Variants in ARHGAP15 observed in about 807,000 individuals in gnomAD.
ARHGAP15 encodes rho GTPase-activating protein 15.
A neutral mutation model predicts 63.7 loss-of-function variants in ARHGAP15; 51 were observed. The ratio of observed to expected loss-of-function variants is 0.80; its 90% confidence interval spans 0.64 to 1.01. The LOEUF is 1.01. ARHGAP15 is among the 50% of genes least tolerant of loss of function. The probability of loss-of-function intolerance (pLI) is 0.00; values close to 1 mark genes in which losing one functional copy is unlikely to be tolerated. For synonymous variants in ARHGAP15, 191 were observed against 193.8 expected (o/e 0.99, Z 0.12); for missense variants, 560 against 564.6 (o/e 0.99, Z 0.08).
At chr2:143,537,607 T>C (rs1694840403) in intron 10 of ARHGAP15, among the ~76,000 whole-genome samples, 1 of 152,222 alleles carries the variant, frequency 6.6e-6, no homozygotes, top group African/African-American at 2.4e-5. Context: ...GGCTAGCCAG[T>C]TTTCCCAGCA....
intron 5 of ARHGAP15, among the ~76,000 whole-genome samples, chr2:143,235,242 G>GTTT (rs11447778): frequency 0.13 from 17,430 of 135,830 alleles, 1,196 homozygotes; most frequent in Middle Eastern, 0.26. Flanking sequence ...TAGTAGAGTT[G>GTTT]TTTTTTTTTT....
At chr2:143,690,152 T>C (rs1048047524) in intron 12 of ARHGAP15, among the ~76,000 whole-genome samples, 2 of 152,236 alleles carry the variant, frequency 1.3e-5, no homozygotes, top group African/African-American at 4.8e-5. Flanking sequence ...GTTCAGTACT[T>C]CAATAGCTCA....
intron 2 of ARHGAP15, among the ~76,000 whole-genome samples, chr2:143,167,403 T>C (rs1322149871): frequency 6.6e-6 from 1 of 152,070 alleles, no homozygotes; most frequent in Non-Finnish European, 1.5e-5. Flanking sequence ...TACTGAGACC[T>C]CACAATTCCT....
At chr2:143,701,007 G>T (rs918243638) in intron 12 of ARHGAP15, among the ~76,000 whole-genome samples, 4 of 151,554 alleles carry the variant, frequency 2.6e-5, no homozygotes, top group African/African-American at 4.9e-5. Context: ...TCTCTTTCTC[G>T]CTCCCCTTTG....
At chr2:143,474,966 A>G (rs73005354) in intron 8 of ARHGAP15, among the ~76,000 whole-genome samples, 2,600 of 152,316 alleles carry the variant, frequency 0.017, 68 homozygotes, top group African/African-American at 0.058. Context: ...AGTTAATCCA[A>G]AAGGGTGGCT....
intron 12 of ARHGAP15, among the ~76,000 whole-genome samples, chr2:143,662,219 G>A (rs1481042105): frequency 6.6e-6 from 1 of 152,064 alleles, no homozygotes; most frequent in Non-Finnish European, 1.5e-5. Flanking sequence ...CTGGAGATCT[G>A]AGAACGGGCA....
intron 12 of ARHGAP15, among the ~76,000 whole-genome samples, chr2:143,701,012 C>T (rs1229295024): frequency 6.6e-6 from 1 of 152,018 alleles, no homozygotes; most frequent in African/African-American, 2.4e-5. Flanking sequence ...TTCTCGCTCC[C>T]CTTTGTTTCT....
At chr2:143,396,825 G>A (rs1014685889) in intron 6 of ARHGAP15, among the ~76,000 whole-genome samples, 20 of 151,994 alleles carry the variant, frequency 1.3e-4, no homozygotes, top group Non-Finnish European at 2.8e-4. Context: ...GAGCACACTG[G>A]AGTGCATTTA....
chr2:143,730,752 T>A (rs1281903133), intron 13 of ARHGAP15, among the ~76,000 whole-genome samples: 1 of 152,054 alleles, frequency 6.6e-6, no homozygotes, highest in Non-Finnish European at 1.5e-5. Flanking sequence ...AATGTAACTG[T>A]TGAGTCTAAA....
chr2:143,327,591 C>T (rs780553475), intron 6 of ARHGAP15, among the ~76,000 whole-genome samples: 1 of 152,042 alleles, frequency 6.6e-6, no homozygotes, highest in Admixed American at 6.6e-5. Context: ...TTCCCTACAC[C>T]TTATACAAAA....
At chr2:143,587,607 C>T (rs1260560923) in intron 11 of ARHGAP15, 2 of 407,952 alleles carry the variant, frequency 4.9e-6, no homozygotes, top group African/African-American at 2.1e-5. Flanking sequence ...TTCCTGAATA[C>T]CCCTTGCTTT....
chr2:143,663,209 C>T (rs1156763257), intron 12 of ARHGAP15, among the ~76,000 whole-genome samples: 9 of 133,084 alleles, frequency 6.8e-5, no homozygotes, highest in Non-Finnish European at 8.2e-5. Context: ...AGACTAACAG[C>T]GGATCTCTCG....
intron 11 of ARHGAP15, among the ~76,000 whole-genome samples, chr2:143,600,039 T>C (rs1697702715): frequency 1.3e-5 from 2 of 152,180 alleles, no homozygotes; most frequent in Admixed American, 1.3e-4. Context: ...TAAAAGAAGT[T>C]GCTGAAGAAG....
chr2:143,655,030 G>A (rs1681362798), intron 12 of ARHGAP15, among the ~76,000 whole-genome samples: 1 of 152,140 alleles, frequency 6.6e-6, no homozygotes, highest in Non-Finnish European at 1.5e-5. Context: ...CCAGGAGTTT[G>A]AGACCAGCCT....
intron 10 of ARHGAP15, among the ~76,000 whole-genome samples, chr2:143,553,264 T>C (rs569307545): frequency 6.6e-6 from 1 of 152,296 alleles, no homozygotes; most frequent in African/African-American, 2.4e-5. Flanking sequence ...ATATGTACTT[T>C]GTCATTTTCA....
At chr2:143,510,661 G>A (rs916973091) in intron 9 of ARHGAP15, among the ~76,000 whole-genome samples, 1 of 152,148 alleles carries the variant, frequency 6.6e-6, no homozygotes, top group East Asian at 1.9e-4. Context: ...CCACAGTGTT[G>A]TGTTTTTCCG....
chr2:143,473,750 T>C (rs987706154), intron 8 of ARHGAP15, among the ~76,000 whole-genome samples: 1 of 152,186 alleles, frequency 6.6e-6, no homozygotes, highest in African/African-American at 2.4e-5. Context: ...GCTAAGTGCA[T>C]TTTCCTTTCG....
chr2:143,592,212 G>A (rs1419107803), intron 11 of ARHGAP15, among the ~76,000 whole-genome samples: 1 of 151,932 alleles, frequency 6.6e-6, no homozygotes, highest in South Asian at 2.1e-4. Flanking sequence ...ATTTTGTTCA[G>A]ATATTTATTA....
chr2:143,447,374 A>G (rs866294624), intron 8 of ARHGAP15, among the ~76,000 whole-genome samples: 1 of 152,224 alleles, frequency 6.6e-6, no homozygotes, highest in Non-Finnish European at 1.5e-5. Flanking sequence ...AAGTAAACAT[A>G]TTATACAAAT....
Sources: gnomAD v4.1 joint callset for allele counts (sites outside exome capture counted in the v4.1 genomes callset) on GRCh38, gnomAD v4.1.1 for gene constraint, MANE v1.5 for transcripts, NCBI Gene and HGNC (gene_info 2026-07-23, HGNC 2026-07-21) for gene names.